Variants in B3GNT8 observed in about 807,000 individuals in gnomAD.
B3GNT8 encodes UDP-GlcNAc:betaGal beta-1,3-N-acetylglucosaminyltransferase 8, also known as N-acetyllactosaminide beta-1,3-N-acetylglucosaminyltransferase 8.
For missense variants in B3GNT8, 502 were observed against 530.5 expected (o/e 0.95, Z 0.53); for synonymous variants, 258 against 238.3 (o/e 1.08, Z -0.76).
Position 41,426,312 on chromosome 19 carries a change from G to A in B3GNT8, c.467C>T (p.Ser156Leu), listed in dbSNP as rs2039434631. The A allele has an allele frequency of 6.2e-7, 1 of 1,613,274 alleles. No homozygotes were observed. The highest frequency in any genetic ancestry group is 8.5e-7 in the Non-Finnish European group (1 of 1,180,038). ...TCGTTCTGCAAAGCGCCCTGGTTCTGACTTGACGGCCAACAGCAGGTAGGG... is the reference window on the plus strand; with the variant it reads ...TCGTTCTGCAAAGCGCCCTGGTTCTAACTTGACGGCCAACAGCAGGTAGGG... ...DVPYLLLAVK[S>L]EPGRFAERQA... is the part of the protein sequence containing the mutation. Residue 156 changes from serine to leucine, a missense_variant, in exon 2 of 2, where the codon TCA becomes TTA. Physicochemically the swap from Ser to Leu is moderately radical, Grantham distance 145. Transcript: ENST00000691102. This position sits in a 1 kb window ranked among gnomAD's most constrained non-coding sequence, Gnocchi z 4.9.
At position 41,426,104 on chromosome 19, in the gene B3GNT8, G is replaced by A; in HGVS notation, c.675C>T (p.Asp225=). ...LDVPFNQTLK[D]LLLLAWLGRH... is the part of the protein sequence containing the mutation. The stretch of plus-strand genomic sequence containing the variant: ...GGCCCAGCCAGGCCAGCAGCAGCAG[G>A]TCTTTGAGCGTCTGGTTGAATGGGA... The change falls in exon 2 of 2, where the codon GAC becomes GAT. Residue 225 remains aspartate (D), a synonymous_variant. Transcript: ENST00000691102. The surrounding 1 kb of genome is among the most constrained non-coding windows in gnomAD (Gnocchi z 4.9). 1 of 1,613,880 alleles carries A rather than the reference G, an allele frequency of 6.2e-7. No homozygotes were observed. The highest frequency in any genetic ancestry group is 1.1e-5 in the South Asian group (1 of 91,088).
At position 41,426,628 on chromosome 19, in the gene B3GNT8, C is replaced by T. The variant is rs999181327; in HGVS notation, c.151G>A (p.Glu51Lys). Reference sequence around the variant, plus strand: ...GAGAGGTTGGCAGGTAGGGTGGGCTCAGGGTTGGCTGGCGTGGGGCTTGGC... The same window carrying T: ...GAGAGGTTGGCAGGTAGGGTGGGCTTAGGGTTGGCTGGCGTGGGGCTTGGC... ...TPPSPTPANPEPTLPANLSTR... is the reference protein window; with the variant it reads ...TPPSPTPANPKPTLPANLSTR... Residue 51 changes from glutamate (E) to lysine (K), a missense_variant, in exon 2 of 2, where the codon GAG becomes AAG. Coordinates refer to ENST00000691102, the MANE Select transcript of B3GNT8 (RefSeq NM_001385648.2). This position sits in a 1 kb window ranked among gnomAD's most constrained non-coding sequence, Gnocchi z 4.9. 1 of 1,612,914 alleles carries T rather than the reference C, an allele frequency of 6.2e-7. No individual in the cohort carries two copies. The highest frequency in any genetic ancestry group is 8.5e-7 in the Non-Finnish European group (1 of 1,179,562).
chr19:41,425,932 G>A lies in B3GNT8; in HGVS notation c.847C>T (p.Leu283Phe). The change falls in exon 2 of 2, where the codon CTC becomes TTC. Residue 283 changes from leucine (L) to phenylalanine (F), a missense_variant. Physicochemically the swap from Leu to Phe is conservative, Grantham distance 22. Transcript: ENST00000691102. ...LGEVFTQAMP[L>F]RKPGGPFYVP... ...TAGAAGGGTCCTCCTGGCTTCCGGA[G>A]AGGCATGGCCTGGGTAAAGACCTCA... The A allele has an allele frequency of 6.2e-7, 1 of 1,613,286 alleles. No individual in the cohort carries two copies. The highest frequency in any genetic ancestry group is 8.5e-7 in the Non-Finnish European group (1 of 1,180,020).
chr19:41,426,022 T>C lies in B3GNT8; in HGVS notation c.757A>G (p.Thr253Ala). Residue 253 changes from threonine to alanine, a missense_variant, in exon 2 of 2, where the codon ACC (threonine) becomes GCC (alanine). By Grantham distance (58) the Thr-to-Ala change is moderately conservative. Coordinates refer to ENST00000691102, the MANE Select transcript of B3GNT8 (RefSeq NM_001385648.2). This position sits in a 1 kb window ranked among gnomAD's most constrained non-coding sequence, Gnocchi z 4.9. ...CGCAGGTGAGCCAGCAGGGCAGGGGTGTGTACAAAGGCATCGTCCTGAGCT... is the reference window on the plus strand; with the variant it reads ...CGCAGGTGAGCCAGCAGGGCAGGGGCGTGTACAAAGGCATCGTCCTGAGCT... ...LRAQDDAFVHTPALLAHLRAL... is the reference protein window; with the variant it reads ...LRAQDDAFVHAPALLAHLRAL... 6.2e-7 allele frequency: 1 copy of C among 1,611,082 alleles called. No homozygotes were observed. The highest frequency in any genetic ancestry group is 8.5e-7 in the Non-Finnish European group (1 of 1,178,898).
Position 41,426,147 on chromosome 19 carries a change from A to T in B3GNT8, c.632T>A (p.Leu211His). ...WESRRYSDLL[L>H]WDFLDVPFNQ... ...GAATGGGACGTCGAGGAAGTCCCAG[A>T]GCAGCAGGTCACTGTAGCGACGGCT... The change falls in exon 2 of 2, where the codon CTC (leucine) becomes CAC (histidine). Residue 211 changes from leucine (L) to histidine (H), a missense_variant. Leu to His is a moderately conservative substitution (Grantham distance 99, BLOSUM62 -3). Transcript: ENST00000691102. The surrounding 1 kb of genome is among the most constrained non-coding windows in gnomAD (Gnocchi z 4.9). The T allele has an allele frequency of 6.2e-7, 1 of 1,613,804 alleles. No individual in the cohort carries two copies. Among genetic ancestry groups the T allele is most frequent in the Middle Eastern group, 1.7e-4 (1 of 6,060 alleles).
In B3GNT8 at chr19:41,426,552, T is replaced by C. The variant is rs531597060; in HGVS notation, c.227A>G (p.Gln76Arg). Reference protein sequence around the residue: ...IPLPFAYWNQQQWRLGSLPSG... With the variant: ...IPLPFAYWNQRQWRLGSLPSG... ...GGGCAGGGACCCCAGCCGCCACTGCTGCTGGTTCCAGTAAGCAAAGGGCAG... is the reference window on the plus strand; with the variant it reads ...GGGCAGGGACCCCAGCCGCCACTGCCGCTGGTTCCAGTAAGCAAAGGGCAG... The change falls in exon 2 of 2, where the codon CAG (glutamine) becomes CGG (arginine). Residue 76 changes from glutamine (Q) to arginine (R), a missense_variant. Gln to Arg is a conservative substitution (Grantham distance 43). Coordinates refer to ENST00000691102, the MANE Select transcript of B3GNT8 (RefSeq NM_001385648.2). This position sits in a 1 kb window ranked among gnomAD's most constrained non-coding sequence, Gnocchi z 4.9. The C allele has an allele frequency of 1.6e-5, 25 of 1,599,406 alleles. No individual in the cohort carries two copies. The highest frequency in any genetic ancestry group is 2.1e-5 in the Non-Finnish European group (25 of 1,172,538).
In B3GNT8 at chr19:41,425,445, G is replaced by A. The variant is rs528704322; in HGVS notation, c.*140C>T. On this transcript the variant is annotated 3_prime_UTR_variant, in exon 2 of 2. Transcript: ENST00000691102. The stretch of plus-strand genomic sequence containing the variant: ...ATCTTTCCTGCCCAGGCCCCTGGCT[G>A]GGGGAGGCCAAGGAGTGGCTTAAGT... 2 of 598,568 alleles carry A rather than the reference G, an allele frequency of 3.3e-6. No individual in the cohort carries two copies. The highest frequency in any genetic ancestry group is 6.5e-5 in the East Asian group (2 of 30,596). 37.1% of individuals were successfully genotyped at this position (598,568 alleles called of 1,614,324 possible).
At position 41,425,535 on chromosome 19, in the gene B3GNT8, G is replaced by A. The variant is rs760825360; in HGVS notation, c.*50C>T. ...GGAAGGAGGGGCTGAGCCAGGGGCCGGCCCCAGAGGCCCAGGCCAGGTCAG... is the reference window on the plus strand; with the variant it reads ...GGAAGGAGGGGCTGAGCCAGGGGCCAGCCCCAGAGGCCCAGGCCAGGTCAG... On this transcript the variant is annotated 3_prime_UTR_variant, in exon 2 of 2. Transcript: ENST00000691102. 5.7e-5 allele frequency: 31 copies of A among 546,538 alleles called. No individual in the cohort carries two copies. Among genetic ancestry groups the A allele is most frequent in the Non-Finnish European group, 7.1e-5 (26 of 365,216 alleles). 33.9% of individuals were successfully genotyped at this position (546,538 alleles called of 1,614,324 possible). A position where few individuals can be genotyped will look rare whatever the true frequency, so the allele number is the denominator to read the frequency against.
rs775762429 is a variant in B3GNT8 at position 41,425,423 on chromosome 19, T to C, written c.*162A>G. ...GGCAAAAACAGTCCACCACCCCATC[T>C]TTCCTGCCCAGGCCCCTGGCTGGGG... On this transcript the variant is annotated 3_prime_UTR_variant, in exon 2 of 2. Transcript: ENST00000691102. The C allele has an allele frequency of 2.0e-6, 1 of 497,308 alleles. No homozygotes were observed. Among genetic ancestry groups the C allele is most frequent in the Non-Finnish European group, 3.4e-6 (1 of 298,310 alleles). 30.8% of individuals were successfully genotyped at this position (497,308 alleles called of 1,614,324 possible).
At position 41,426,168 on chromosome 19, in the gene B3GNT8, C is replaced by T. The variant is rs764272886; in HGVS notation, c.611G>A (p.Arg204His). ...CCAGAGCAGCAGGTCACTGTAGCGA[C>T]GGCTCTCCCAGGCCACTAGTGAGTC... ...DLDSLVAWESRRYSDLLLWDF... is the reference protein window; with the variant it reads ...DLDSLVAWESHRYSDLLLWDF... Residue 204 changes from arginine to histidine, a missense_variant, in exon 2 of 2, where the codon CGT becomes CAT. By Grantham distance (29) the Arg-to-His change is conservative. Coordinates refer to ENST00000691102, the MANE Select transcript of B3GNT8 (RefSeq NM_001385648.2). The surrounding 1 kb of genome is among the most constrained non-coding windows in gnomAD (Gnocchi z 4.9). 30 of 1,613,704 alleles carry T rather than the reference C, an allele frequency of 1.9e-5. No homozygotes were observed. Among genetic ancestry groups the T allele is most frequent in the Non-Finnish European group, 1.9e-5 (23 of 1,179,914 alleles).
chr19:41,427,759 C>T (rs934644492), upstream of B3GNT8, among the ~76,000 whole-genome samples: 2 of 151,912 alleles, frequency 1.3e-5, no homozygotes, highest in Non-Finnish European at 2.9e-5. This position sits in a 1 kb window ranked among gnomAD's most constrained non-coding sequence, Gnocchi z 5.6. Flanking sequence ...GAGAGGCTGG[C>T]GCCCGGCTGC....
rs1285847260 is a variant in B3GNT8, at chr19:41,426,928, C to A, written c.-32-118G>T. The A allele has an allele frequency of 3.0e-5, 23 of 767,480 alleles. No individual in the cohort carries two copies. In the African/African-American group the frequency reaches 3.3e-4, roughly 11 times the overall value. The allele number at this position is 767,480 out of a possible 1,614,324, so 47.5% of individuals were successfully genotyped here. A position where few individuals can be genotyped will look rare whatever the true frequency, so the allele number is the denominator to read the frequency against. ...CACAATCTCCCATAGTCCCCGCCAA[C>A]CCCCATAACAGATTCTCTCGGTCCC... On this transcript the variant is annotated intron_variant, in intron 1 of 1. Transcript: ENST00000691102. The surrounding 1 kb of genome is among the most constrained non-coding windows in gnomAD (Gnocchi z 4.9).
Position 41,426,064 on chromosome 19 carries a change from C to T in B3GNT8, c.715G>A (p.Val239Met), listed in dbSNP as rs747886687. ...LAWLGRHCPT[V>M]SFVLRAQDDA... ...TCCTGAGCTCGCAAGACAAAACTCA[C>T]GGTGGGGCAGTGGCGGCCCAGCCAG... The change falls in exon 2 of 2, where the codon GTG becomes ATG. Residue 239 changes from valine to methionine, a missense_variant. By Grantham distance (21) the Val-to-Met change is conservative. Transcript: ENST00000691102. The surrounding 1 kb of genome is among the most constrained non-coding windows in gnomAD (Gnocchi z 4.9). 2.8e-5 allele frequency: 45 copies of T among 1,613,652 alleles called. No individual in the cohort carries two copies. The highest frequency in any genetic ancestry group is 2.2e-4 in the Admixed American group (13 of 60,002).
At position 41,425,875 on chromosome 19, in the gene B3GNT8, G is replaced by C; in HGVS notation, c.904C>G (p.Pro302Ala). The C allele has an allele frequency of 6.2e-7, 1 of 1,613,182 alleles. No individual in the cohort carries two copies. Among genetic ancestry groups the C allele is most frequent in the Non-Finnish European group, 8.5e-7 (1 of 1,179,998 alleles). ...VPESFFEGGY[P>A]AYASGGGYVI... Reference sequence around the variant, plus strand: ...TAGCCACCCCCGCTTGCATAGGCTGGGTAGCCACCTTCGAAGAAGGACTCG... The same window carrying C: ...TAGCCACCCCCGCTTGCATAGGCTGCGTAGCCACCTTCGAAGAAGGACTCG... The change falls in exon 2 of 2, where the codon CCA (proline) becomes GCA (alanine). Residue 302 changes from proline (P) to alanine (A), a missense_variant. Physicochemically the swap from Pro to Ala is conservative, Grantham distance 27 (BLOSUM62 -1). Transcript: ENST00000691102.
Position 41,426,840 on chromosome 19 carries a change from G to A in B3GNT8, c.-32-30C>T. 2 of 1,548,246 alleles carry A rather than the reference G, an allele frequency of 1.3e-6. No homozygotes were observed. The highest frequency in any genetic ancestry group is 1.8e-5 in the Admixed American group (1 of 55,912). ...AAGGGAGCCACAGGGGAGCCACGGA[G>A]GCCATTGGGGTGTGGGGATGGGCCT... On this transcript the variant is annotated intron_variant, in intron 1 of 1. Transcript: ENST00000691102. This position sits in a 1 kb window ranked among gnomAD's most constrained non-coding sequence, Gnocchi z 4.9.
chr19:41,425,461 T>G lies in B3GNT8; in HGVS notation c.*124A>C. The G allele has an allele frequency of 1.4e-6, 1 of 704,738 alleles. No individual in the cohort carries two copies. The highest frequency in any genetic ancestry group is 3.9e-5 in the Admixed American group (1 of 25,860). 43.7% of individuals were successfully genotyped at this position (704,738 alleles called of 1,614,324 possible). On this transcript the variant is annotated 3_prime_UTR_variant, in exon 2 of 2. Coordinates refer to ENST00000691102, the MANE Select transcript of B3GNT8 (RefSeq NM_001385648.2). ...CCCCTGGCTGGGGGAGGCCAAGGAG[T>G]GGCTTAAGTTGTCCAGCTTCTGGGC...
Position 41,425,899 on chromosome 19 carries a change from C to T in B3GNT8, c.880G>A (p.Glu294Lys), listed in dbSNP as rs199940501. 1.8e-5 allele frequency: 29 copies of T among 1,613,206 alleles called. No individual in the cohort carries two copies. The Admixed American group carries it at 2.2e-4, about 12-fold the overall frequency. The part of the protein sequence containing the change: ...RKPGGPFYVP[E>K]SFFEGGYPAY... ...GGGTAGCCACCTTCGAAGAAGGACT[C>T]GGGCACATAGAAGGGTCCTCCTGGC... Residue 294 changes from glutamate (E) to lysine (K), a missense_variant, in exon 2 of 2, where the codon GAG (glutamate) becomes AAG (lysine). Glu to Lys is a moderately conservative substitution (Grantham distance 56, BLOSUM62 1). Transcript: ENST00000691102.
Position 41,426,038 on chromosome 19 carries a change from G to A in B3GNT8, c.741C>T (p.Asp247=), listed in dbSNP as rs778864810. 1.9e-5 allele frequency: 31 copies of A among 1,613,370 alleles called. No homozygotes were observed. The highest frequency in any genetic ancestry group is 3.3e-5 in the Admixed American group (2 of 59,994). Residue 247 remains aspartate, a synonymous_variant, in exon 2 of 2, where the codon GAC becomes GAT. Transcript: ENST00000691102. The surrounding 1 kb of genome is among the most constrained non-coding windows in gnomAD (Gnocchi z 4.9). The part of the protein sequence containing the change: ...PTVSFVLRAQ[D]DAFVHTPALL... ...GGGCAGGGGTGTGTACAAAGGCATC[G>A]TCCTGAGCTCGCAAGACAAAACTCA...
Position 41,425,746 on chromosome 19 carries a change from C to A in B3GNT8, c.1033G>T (p.Gly345Cys). 6.3e-7 allele frequency: 1 copy of A among 1,595,176 alleles called. No individual in the cohort carries two copies. The highest frequency in any genetic ancestry group is 2.2e-5 in the East Asian group (1 of 44,522). Residue 345 changes from glycine to cysteine, a missense_variant, in exon 2 of 2, where the codon GGC (glycine) becomes TGC (cysteine). Physicochemically the swap from Gly to Cys is radical, Grantham distance 159. Coordinates refer to ENST00000691102, the MANE Select transcript of B3GNT8 (RefSeq NM_001385648.2). ...VYTGLCIRAL[G>C]LVPQAHPGFL... Reference sequence around the variant, plus strand: ...CCTGGGTGGGCCTGGGGCACCAGGCCCAGGGCTCGGATGCAAAGGCCAGTG... The same window carrying A: ...CCTGGGTGGGCCTGGGGCACCAGGCACAGGGCTCGGATGCAAAGGCCAGTG...
Sources: allele counts gnomAD v4.1 joint callset (sites outside exome capture counted in the v4.1 genomes callset), GRCh38; gene constraint gnomAD v4.1.1; non-coding constraint Gnocchi (gnomAD v3.1); transcripts MANE v1.5; gene names NCBI Gene and HGNC (gene_info 2026-07-23, HGNC 2026-07-21).